Variants in TRPS1 observed in about 807,000 individuals in gnomAD.
TRPS1 encodes the protein zinc finger transcription factor Trps1.
Under a neutral mutation model 101.2 loss-of-function variants are expected in TRPS1, and 6 were observed. The observed-to-expected ratio is 0.06, with a 90% confidence interval of 0.03 to 0.12. The LOEUF is 0.12. TRPS1 is among the 10% of genes least tolerant of loss of function. The pLI is 1.00. For missense variants in TRPS1, 1,363 were observed against 1,567.0 expected, an observed-to-expected ratio of 0.87 and a Z score of 2.20; for synonymous variants, 578 against 589.8, an observed-to-expected ratio of 0.98 and a Z score of 0.29.
intron 5 of TRPS1, among the ~76,000 whole-genome samples, chr8:115,579,261 A>C (rs934245413): frequency 6.6e-6 from 1 of 152,100 alleles, no homozygotes. Flanking sequence ...GCTTTCCTAT[A>C]CAATTGTTTT....
At chr8:115,582,052 A>G (rs1817464203) in intron 5 of TRPS1, among the ~76,000 whole-genome samples, 1 of 152,194 alleles carries the variant, frequency 6.6e-6, no homozygotes, top group African/African-American at 2.4e-5. Context: ...CAGTGTTTAG[A>G]GAGGTATATA....
At chr8:115,492,828 C>T (rs950969193) in intron 5 of TRPS1, among the ~76,000 whole-genome samples, 1 of 152,064 alleles carries the variant, frequency 6.6e-6, no homozygotes, top group African/African-American at 2.4e-5. Flanking sequence ...ATTTTCATGC[C>T]TCAGCCTCCC....
At chr8:115,441,898 A>AGAGAGTGT (rs1554620719) in intron 5 of TRPS1, among the ~76,000 whole-genome samples, 29 of 116,150 alleles carry the variant, frequency 2.5e-4, no homozygotes, top group African/African-American at 5.5e-4. Context: ...AGAGAGAGAG[A>AGAGAGTGT]GTGTGTGTGT....
chr8:115,645,417 T>C (rs1161092565), intron 1 of TRPS1, among the ~76,000 whole-genome samples: 2 of 152,192 alleles, frequency 1.3e-5, no homozygotes, highest in Non-Finnish European at 2.9e-5. Context: ...TATGATCATG[T>C]AGGATATATT....
At chr8:115,552,314 A>T (rs2130343405) in intron 5 of TRPS1, among the ~76,000 whole-genome samples, 1 of 152,312 alleles carries the variant, frequency 6.6e-6, no homozygotes, top group East Asian at 1.9e-4. Flanking sequence ...TGATGAATGA[A>T]GTTACATAAT....
intron 1 of TRPS1, among the ~76,000 whole-genome samples, chr8:115,645,217 A>C (rs1205910306): frequency 1.3e-5 from 2 of 152,142 alleles, no homozygotes; most frequent in Admixed American, 6.5e-5. Flanking sequence ...GTAATTACAT[A>C]TATATACACA....
In TRPS1 at chr8:115,621,304, A is replaced by G. The variant is rs568559251; in HGVS notation, c.38-1244T>C. Among the ~76,000 whole-genome samples, 5 of 152,332 alleles carry G rather than the reference A, an allele frequency of 3.3e-5. No individual in the cohort carries two copies. In the East Asian group the frequency reaches 9.6e-4, roughly 29 times the overall value. ...GGAAAATTCCACCTGTGACATTCTGATTAAACAAGACTTCTTTGTTAGTTG... is the reference window on the plus strand; with the variant it reads ...GGAAAATTCCACCTGTGACATTCTGGTTAAACAAGACTTCTTTGTTAGTTG... On this transcript the variant is annotated intron_variant, in intron 2 of 6. Transcript: ENST00000395715.
At chr8:115,668,475 G>A (rs1446152595) in intron 1 of TRPS1, 70 bp downstream of exon 1, 4 of 145,218 alleles carry the variant, frequency 2.8e-5, no homozygotes, top group Admixed American at 2.7e-4. Context: ...GCCCGGCCGA[G>A]GGGCGCCCGC....
chr8:115,482,157 A>C (rs116979240), intron 5 of TRPS1, among the ~76,000 whole-genome samples: 1 of 152,192 alleles, frequency 6.6e-6, no homozygotes. Flanking sequence ...TCAGGTCATT[A>C]GCTTTGCTCT....
intron 5 of TRPS1, among the ~76,000 whole-genome samples, chr8:115,585,734 ACTC>A (rs1817548023): frequency 6.6e-6 from 1 of 151,948 alleles, no homozygotes; most frequent in Admixed American, 6.6e-5. Context: ...TCCCGAAGTT[ACTC>A]CTAATAAACT....
At chr8:115,448,122 C>A (rs1813782208) in intron 5 of TRPS1, among the ~76,000 whole-genome samples, 1 of 152,090 alleles carries the variant, frequency 6.6e-6, no homozygotes, top group South Asian at 2.1e-4. Flanking sequence ...AACTAAACAA[C>A]AACAACAACA....
intron 3 of TRPS1, among the ~76,000 whole-genome samples, chr8:115,607,312 T>A (rs931063022): frequency 5.3e-5 from 8 of 152,104 alleles, no homozygotes; most frequent in Non-Finnish European, 1.0e-4. Context: ...GAGAAGGGAC[T>A]ACGAAAGAAG....
intron 5 of TRPS1, among the ~76,000 whole-genome samples, chr8:115,501,439 C>A (rs1815317225): frequency 6.6e-6 from 1 of 152,130 alleles, no homozygotes; most frequent in Non-Finnish European, 1.5e-5. Context: ...AACTTTAAAA[C>A]CTAAGGAATT....
intron 5 of TRPS1, among the ~76,000 whole-genome samples, chr8:115,541,900 A>T (rs1335173002): frequency 1.3e-5 from 2 of 152,324 alleles, no homozygotes; most frequent in African/African-American, 4.8e-5. Flanking sequence ...GTATCACTAT[A>T]CTGGATTACA....
At chr8:115,501,231 T>C (rs1022621188) in intron 5 of TRPS1, among the ~76,000 whole-genome samples, 3 of 152,230 alleles carry the variant, frequency 2.0e-5, no homozygotes, top group Admixed American at 6.5e-5. Context: ...TATTCACTTA[T>C]TTATTCATTC....
intron 5 of TRPS1, among the ~76,000 whole-genome samples, chr8:115,510,111 A>C (rs866540295): frequency 2.6e-5 from 4 of 151,988 alleles, no homozygotes; most frequent in Non-Finnish European, 5.9e-5. Context: ...CTGGATTCAA[A>C]TTAGCCTCTG....
intron 1 of TRPS1, among the ~76,000 whole-genome samples, chr8:115,630,378 C>T (rs1032296022): frequency 1.3e-5 from 2 of 151,960 alleles, no homozygotes; most frequent in African/African-American, 4.8e-5. Flanking sequence ...GAGCCATACA[C>T]ACACACACAC....
chr8:115,639,086 C>T (rs1043767534), intron 1 of TRPS1, among the ~76,000 whole-genome samples: 15 of 152,024 alleles, frequency 9.9e-5, no homozygotes, highest in Admixed American at 9.2e-4. Context: ...ATTTCTGAAA[C>T]AGGGTCTTGC....
At chr8:115,632,516 T>C (rs1818670080) in intron 1 of TRPS1, among the ~76,000 whole-genome samples, 1 of 151,960 alleles carries the variant, frequency 6.6e-6, no homozygotes, top group South Asian at 2.1e-4. Context: ...ACACCAATTC[T>C]CACAGTATTA....
Sources: gnomAD v4.1 joint callset for allele counts (sites outside exome capture counted in the v4.1 genomes callset) on GRCh38, gnomAD v4.1.1 for gene constraint, MANE v1.5 for transcripts, NCBI Gene and HGNC (gene_info 2026-07-23, HGNC 2026-07-21) for gene names.